Variants in CNTNAP4 observed in about 807,000 individuals in gnomAD.
CNTNAP4 encodes the protein contactin-associated protein-like 4.
In CNTNAP4, 98 loss-of-function variants were observed where a neutral mutation model predicts 148.4. That is an observed-to-expected ratio of 0.66 (90% CI 0.56 to 0.78). The LOEUF is 0.78. CNTNAP4 is among the 30% of genes least tolerant of loss of function. CNTNAP4 has a pLI of 0.00. For missense variants in CNTNAP4, 1,935 were observed against 1,565.6 expected (o/e 1.24, Z -3.98); for synonymous variants, 730 against 565.1 (o/e 1.29, Z -4.14).
chr16:76,445,845 C>T (rs557699065), intron 4 of CNTNAP4, among the ~76,000 whole-genome samples: 4 of 152,112 alleles, frequency 2.6e-5, no homozygotes, highest in South Asian at 2.1e-4. Flanking sequence ...GAGATAACTG[C>T]ATTGCTCCAA....
intron 3 of CNTNAP4, among the ~76,000 whole-genome samples, chr16:76,363,018 C>T (rs2013628478): frequency 6.6e-6 from 1 of 150,460 alleles, no homozygotes; most frequent in African/African-American, 2.5e-5. Context: ...GCCAGGAGTT[C>T]AAGACCAGCC....
At chr16:76,514,840 T>C (rs546071106) in intron 15 of CNTNAP4, among the ~76,000 whole-genome samples, 3 of 152,344 alleles carry the variant, frequency 2.0e-5, no homozygotes, top group African/African-American at 7.2e-5. Context: ...ATCTTAGAAT[T>C]TTATTTCTGT....
At chr16:76,498,455 T>C in intron 14 of CNTNAP4, 112 bp from the exon 15 acceptor site, 1 of 706,826 alleles carries the variant, frequency 1.4e-6, no homozygotes, top group South Asian at 2.3e-5. Context: ...GATGAGTGAC[T>C]GGATCCATAC....
chr16:76,310,071 T>C (rs1440831413), intron 1 of CNTNAP4, among the ~76,000 whole-genome samples: 1 of 151,868 alleles, frequency 6.6e-6, no homozygotes, highest in African/African-American at 2.4e-5. Flanking sequence ...CTCCTGTAGA[T>C]AGTAGTTTGG....
intron 1 of CNTNAP4, 52 bp from the exon 2 acceptor site, chr16:76,316,361 A>G (rs1961744675): frequency 8.4e-7 from 1 of 1,195,168 alleles, no homozygotes; most frequent in African/African-American, 1.5e-5. Context: ...TATTGATTCC[A>G]CGAAAGCCTC....
chr16:76,406,397 A>G (rs780716616), intron 3 of CNTNAP4, among the ~76,000 whole-genome samples: 2 of 152,058 alleles, frequency 1.3e-5, no homozygotes, highest in Non-Finnish European at 2.9e-5. Context: ...AGACAACAAT[A>G]TTGAAATTAG....
rs2085077004 is a variant in CNTNAP4 at position 76,553,864 on chromosome 16, G to T, written c.3690G>T (p.Glu1230Asp). ...ATTCTGGAACAATAGATGACAGAGA[G>T]CCCCTTGCTAATGCAATCAAAAGTG... ...ADHSGTIDDR[E>D]PLANAIKSDS... Residue 1230 changes from glutamate (E) to aspartate (D), a missense_variant, in exon 23 of 24, where the codon GAG becomes GAT. Transcript: ENST00000611870. 6.2e-7 allele frequency: 1 copy of T among 1,612,250 alleles called. No individual in the cohort carries two copies. The highest frequency in any genetic ancestry group is 1.7e-5 in the Admixed American group (1 of 59,988).
chr16:76,300,890 G>C (rs1959890382), intron 1 of CNTNAP4, among the ~76,000 whole-genome samples: 1 of 150,890 alleles, frequency 6.6e-6, no homozygotes, highest in Non-Finnish European at 1.5e-5. Context: ...TCAAGGAAGG[G>C]GTATCTTTTA....
intron 3 of CNTNAP4, among the ~76,000 whole-genome samples, chr16:76,397,708 G>T (rs988234595): frequency 6.6e-6 from 1 of 151,494 alleles, no homozygotes; most frequent in Non-Finnish European, 1.5e-5. Context: ...TAAAGTACTA[G>T]TGCTACAGTC....
At chr16:76,470,947 C>T (rs546835210) in intron 10 of CNTNAP4, among the ~76,000 whole-genome samples, 1 of 152,238 alleles carries the variant, frequency 6.6e-6, no homozygotes, top group Admixed American at 6.5e-5. Context: ...CTTTCACACA[C>T]CATCCTCACA....
intron 4 of CNTNAP4, among the ~76,000 whole-genome samples, chr16:76,442,748 A>G (rs2080093238): frequency 6.6e-6 from 1 of 152,122 alleles, no homozygotes; most frequent in African/African-American, 2.4e-5. Context: ...AACCATTCAT[A>G]AGGGATCTGC....
intron 9 of CNTNAP4, among the ~76,000 whole-genome samples, chr16:76,465,732 G>A (rs138042093): frequency 5.9e-5 from 9 of 152,236 alleles, no homozygotes; most frequent in South Asian, 4.1e-4. Flanking sequence ...AAATTTAAGC[G>A]CTGGAAATGT....
chr16:76,476,104 C>A, intron 11 of CNTNAP4, 59 bp downstream of exon 11: 1 of 1,134,792 alleles, frequency 8.8e-7, no homozygotes, highest in South Asian at 1.3e-5. Context: ...TCCCATTTCC[C>A]TTTTCATTGC....
At chr16:76,550,939 G>C (rs955375800) in intron 21 of CNTNAP4, among the ~76,000 whole-genome samples, 2 of 151,938 alleles carry the variant, frequency 1.3e-5, no homozygotes, top group African/African-American at 2.4e-5. Context: ...GAGCAAGGTG[G>C]GTCAGAACAT....
chr16:76,420,828 T>C (rs1438239301), intron 3 of CNTNAP4, among the ~76,000 whole-genome samples: 1 of 152,054 alleles, frequency 6.6e-6, no homozygotes, highest in Non-Finnish European at 1.5e-5. Flanking sequence ...TATTTTATTA[T>C]ATTTTTATCT....
At chr16:76,469,967 T>C (rs2081307214) in intron 10 of CNTNAP4, among the ~76,000 whole-genome samples, 2 of 152,064 alleles carry the variant, frequency 1.3e-5, no homozygotes. Context: ...CATCCCAAGA[T>C]GGATGGCATC....
At chr16:76,378,369 C>T (rs1370089803) in intron 3 of CNTNAP4, among the ~76,000 whole-genome samples, 1 of 152,108 alleles carries the variant, frequency 6.6e-6, no homozygotes, top group Non-Finnish European at 1.5e-5. Context: ...GAAAACCAGG[C>T]CTCCACATGT....
chr16:76,541,591 G>C (rs1245245038), intron 21 of CNTNAP4, among the ~76,000 whole-genome samples: 1 of 152,092 alleles, frequency 6.6e-6, no homozygotes, highest in Non-Finnish European at 1.5e-5. Context: ...ATAGTAAATG[G>C]AATTTTATTT....
At chr16:76,544,441 T>A in intron 21 of CNTNAP4, among the ~76,000 whole-genome samples, 1 of 152,184 alleles carries the variant, frequency 6.6e-6, no homozygotes, top group East Asian at 1.9e-4. Context: ...GGGTGAATTT[T>A]AAGAAACAGT....
Sources: allele counts gnomAD v4.1 joint callset (sites outside exome capture counted in the v4.1 genomes callset), GRCh38; gene constraint gnomAD v4.1.1; transcripts MANE v1.5; gene names NCBI Gene and HGNC (gene_info 2026-07-23, HGNC 2026-07-21).